SNX9: variants seen among roughly 807,000 people sequenced by gnomAD.
SNX9 encodes the protein sorting nexin 9.
SNX9 carries 44 observed loss-of-function variants against 89.4 expected under a neutral mutation model. The ratio of observed to expected loss-of-function variants is 0.49; its 90% CI spans 0.39 to 0.63. The LOEUF (loss-of-function observed/expected upper bound fraction) is 0.63. SNX9 is among the 30% of genes least tolerant of loss of function. The pLI is 0.00. For synonymous variants in SNX9, 236 were observed against 247.8 expected (o/e 0.95, Z 0.45); for missense variants, 578 against 736.1 (o/e 0.79, Z 2.49).
chr6:157,856,547 G>T (rs1369685555), intron 1 of SNX9, among the ~76,000 whole-genome samples: 2 of 152,158 alleles, frequency 1.3e-5, no homozygotes, highest in Non-Finnish European at 2.9e-5. Flanking sequence ...AGTCCTTTAA[G>T]AATTCAAATT....
Position 157,823,450 on chromosome 6 carries a change from A to G in SNX9, c.12+4A>G. ...CCCGCCCGCCATGGCCACCAAGGTG[A>G]GGGGCGCGCGGCGCAGGCCGGGCCG... On this transcript the variant is annotated splice_donor_region_variant and intron_variant, in intron 1 of 17. Transcript: ENST00000392185. This position sits in a 1 kb window ranked among gnomAD's most constrained non-coding sequence, Gnocchi z 4.6. The G allele has an allele frequency of 8.2e-7, 1 of 1,215,158 alleles. No homozygotes were observed. Among genetic ancestry groups the G allele is most frequent in the Non-Finnish European group, 1.0e-6 (1 of 981,856 alleles). 75.3% of individuals were successfully genotyped at this position (1,215,158 alleles called of 1,614,324 possible). A position where few individuals can be genotyped will look rare whatever the true frequency, so the allele number is the denominator to read the frequency against.
chr6:157,891,231 G>A (rs966101215), intron 4 of SNX9, among the ~76,000 whole-genome samples: 3 of 151,842 alleles, frequency 2.0e-5, no homozygotes, highest in Admixed American at 2.0e-4. Context: ...GTTTCACCAT[G>A]TTGGCTAGGC....
chr6:157,861,808 A>G lies in SNX9; in HGVS notation c.13-5739A>G, dbSNP rs113187865. ...TAGATACAGTAAGAGATGCACAAGA[A>G]TAACTAATAATAAAATAGAACAGTT... On this transcript the variant is annotated intron_variant, in intron 1 of 17. Transcript: ENST00000392185. 2.4e-3 allele frequency among the ~76,000 whole-genome samples: 365 copies of G among 152,356 alleles called. 1 individual carries two copies. Among genetic ancestry groups the G allele is most frequent in the African/African-American group, 8.4e-3 (351 of 41,576 alleles).
intron 1 of SNX9, among the ~76,000 whole-genome samples, chr6:157,867,149 C>T (rs147967148): frequency 2.0e-4 from 31 of 152,182 alleles, no homozygotes; most frequent in African/African-American, 7.0e-4. Flanking sequence ...GATGGAATCT[C>T]GCTTTGTTGC....
intron 9 of SNX9, among the ~76,000 whole-genome samples, chr6:157,917,579 C>T (rs983446531): frequency 2.6e-5 from 4 of 152,116 alleles, no homozygotes; most frequent in Non-Finnish European, 4.4e-5. Flanking sequence ...ATCTCAGTAT[C>T]TATGGGAATT....
chr6:157,889,911 T>C (rs1782821482), intron 4 of SNX9, among the ~76,000 whole-genome samples: 1 of 152,196 alleles, frequency 6.6e-6, no homozygotes, highest in Admixed American at 6.5e-5. Flanking sequence ...CTAGATGCTT[T>C]GTATGCATTA....
At chr6:157,841,352 A>G (rs1781699049) in intron 1 of SNX9, among the ~76,000 whole-genome samples, 1 of 152,162 alleles carries the variant, frequency 6.6e-6, no homozygotes, top group Non-Finnish European at 1.5e-5. Flanking sequence ...AGAAATACAG[A>G]TTTTATTACC....
chr6:157,868,935 C>T (rs1171190374), intron 2 of SNX9, among the ~76,000 whole-genome samples: 4 of 152,210 alleles, frequency 2.6e-5, no homozygotes, highest in African/African-American at 9.7e-5. Context: ...CACACTGCAA[C>T]GTGTCTCTTC....
At chr6:157,936,355 A>C (rs573038359) in intron 14 of SNX9, among the ~76,000 whole-genome samples, 2 of 152,268 alleles carry the variant, frequency 1.3e-5, no homozygotes, top group Admixed American at 6.5e-5. Context: ...GTGAACCCCC[A>C]AAAATTAGCT....
intron 4 of SNX9, among the ~76,000 whole-genome samples, chr6:157,884,247 A>T (rs949840503): frequency 6.6e-6 from 1 of 152,232 alleles, no homozygotes; most frequent in African/African-American, 2.4e-5. Context: ...GTATTTAAGG[A>T]TATAACATTT....
At chr6:157,841,130 T>C (rs9356062) in intron 1 of SNX9, among the ~76,000 whole-genome samples, 14,918 of 152,230 alleles carry the variant, frequency 0.098, 1,070 homozygotes, top group African/African-American at 0.2. Flanking sequence ...AATGCTGTTA[T>C]GGGCTAAGAA....
At chr6:157,892,867 A>G (rs1030568299) in intron 4 of SNX9, 2 of 152,120 alleles carry the variant, frequency 1.3e-5, no homozygotes, top group African/African-American at 4.8e-5. Flanking sequence ...CAGACCACTC[A>G]CTTCTGAACT....
At chr6:157,922,044 A>G (rs980823307) in intron 10 of SNX9, among the ~76,000 whole-genome samples, 2 of 152,204 alleles carry the variant, frequency 1.3e-5, no homozygotes, top group African/African-American at 4.8e-5. Flanking sequence ...TGCCCTTACA[A>G]TGTAACAGCA....
intron 2 of SNX9, among the ~76,000 whole-genome samples, chr6:157,869,889 A>G (rs868600324): frequency 6.6e-6 from 1 of 151,966 alleles, no homozygotes; most frequent in Non-Finnish European, 1.5e-5. Flanking sequence ...GTGCACATGC[A>G]CACACATGCG....
chr6:157,888,284 G>A (rs1291296695), intron 4 of SNX9, among the ~76,000 whole-genome samples: 4 of 152,170 alleles, frequency 2.6e-5, no homozygotes, highest in East Asian at 1.9e-4. Flanking sequence ...TTCTCTGGCT[G>A]TATGACTTGC....
At chr6:157,853,628 C>T (rs1035291667) in intron 1 of SNX9, among the ~76,000 whole-genome samples, 1 of 152,070 alleles carries the variant, frequency 6.6e-6, no homozygotes, top group African/African-American at 2.4e-5. Flanking sequence ...TGTCTGGTTC[C>T]CTTACTATCC....
At chr6:157,878,641 C>T (rs932482025) in intron 4 of SNX9, among the ~76,000 whole-genome samples, 11 of 152,204 alleles carry the variant, frequency 7.2e-5, no homozygotes, top group Admixed American at 4.6e-4. Context: ...CCATATTGGC[C>T]AGGCTGGTCT....
At chr6:157,877,449 C>G (rs1226629931) in intron 4 of SNX9, among the ~76,000 whole-genome samples, 1 of 152,188 alleles carries the variant, frequency 6.6e-6, no homozygotes, top group Non-Finnish European at 1.5e-5. Context: ...TCTCTGCCCT[C>G]TGTTATCTGG....
chr6:157,862,633 G>A (rs116673763), intron 1 of SNX9, among the ~76,000 whole-genome samples: 64 of 152,250 alleles, frequency 4.2e-4, no homozygotes, highest in African/African-American at 1.5e-3. Flanking sequence ...TGGGGCCTTA[G>A]CTTTTGCATT....
Sources: allele counts gnomAD v4.1 joint callset (sites outside exome capture counted in the v4.1 genomes callset), GRCh38; gene constraint gnomAD v4.1.1; non-coding constraint Gnocchi (gnomAD v3.1); transcripts MANE v1.5; gene names NCBI Gene and HGNC (gene_info 2026-07-23, HGNC 2026-07-21).